The following TNS1 variants were observed in gnomAD, a reference collection of about 807,000 sequenced individuals.
TNS1 encodes tensin 1.
A neutral mutation model predicts 168.6 loss-of-function variants in TNS1; 62 were observed. That is an observed-to-expected ratio of 0.37 (90% CI 0.30 to 0.45). The LOEUF (loss-of-function observed/expected upper bound fraction) is 0.45. Among genes scored for constraint, TNS1 ranks in the 20% least tolerant of loss-of-function variants. TNS1 has a pLI of 1.00. For missense variants in TNS1, 2,240 were observed against 2,339.4 expected (o/e 0.96, Z 0.88); for synonymous variants, 934 against 933.2 (o/e 1.00, Z -0.02).
chr2:217,967,706 G>A (rs1325547167), intron 3 of TNS1, among the ~76,000 whole-genome samples: 2 of 152,086 alleles, frequency 1.3e-5, no homozygotes, highest in African/African-American at 4.8e-5. Context: ...AGGTCCCGAT[G>A]GCTTCACAGG....
At chr2:217,829,851 C>T in intron 22 of TNS1, 1 of 1,614,182 alleles carries the variant, frequency 6.2e-7, no homozygotes, top group Non-Finnish European at 8.5e-7. Flanking sequence ...TACCTTCTGA[C>T]AGCCTGACCA....
chr2:218,029,122 A>T (rs1157003809), intron 1 of TNS1, among the ~76,000 whole-genome samples: 1 of 152,194 alleles, frequency 6.6e-6, no homozygotes, highest in Non-Finnish European at 1.5e-5. Flanking sequence ...GCCCCCAGAG[A>T]GTGAGTAAGA....
At chr2:218,031,234 G>A in intron 1 of TNS1, among the ~76,000 whole-genome samples, 1 of 144,564 alleles carries the variant, frequency 6.9e-6, no homozygotes, top group Admixed American at 6.9e-5. Context: ...GTGTGAGTGT[G>A]TGAGCATGTC....
rs1402852469 is a variant in TNS1 at position 217,828,316 on chromosome 2, C to T, written c.3373+3139G>A. ...GAGGGCAAAGTCTTCTGGGAAACTCCAATCATCCTACCTGGGTGACAGCAG... is the reference window on the plus strand; with the variant it reads ...GAGGGCAAAGTCTTCTGGGAAACTCTAATCATCCTACCTGGGTGACAGCAG... On this transcript the variant is annotated intron_variant, in intron 22 of 32. Coordinates refer to ENST00000682258, the MANE Select transcript of TNS1 (RefSeq NM_001387777.1). Among the ~76,000 whole-genome samples, 4 of 152,214 alleles carry T rather than the reference C, an allele frequency of 2.6e-5. No individual in the cohort carries two copies. In the East Asian group the frequency reaches 7.7e-4, roughly 29 times the overall value.
At chr2:217,833,188 C>T (rs906238996) in intron 21 of TNS1, among the ~76,000 whole-genome samples, 9 of 152,168 alleles carry the variant, frequency 5.9e-5, no homozygotes, top group South Asian at 2.1e-4. Flanking sequence ...GCAGCGGAGG[C>T]GCAGGTGGGC....
In TNS1 at chr2:217,832,351, A is replaced by C. The variant is rs576424840; in HGVS notation, c.3281-804T>G. 1.5e-3 allele frequency among the ~76,000 whole-genome samples: 221 copies of C among 152,316 alleles called. 1 individual carries two copies. Among genetic ancestry groups the C allele is most frequent in the African/African-American group, 4.8e-3 (198 of 41,544 alleles). ...GCTGCTGGCTTTTTCCCATTAGCCA[A>C]GAACCTGGCCAGATTCAGAGCTGAT... On this transcript the variant is annotated intron_variant, in intron 21 of 32. Transcript: ENST00000682258.
chr2:217,846,911 C>T (rs1038365136), intron 19 of TNS1, among the ~76,000 whole-genome samples: 2 of 152,242 alleles, frequency 1.3e-5, no homozygotes, highest in African/African-American at 4.8e-5. Context: ...TTGGCCTCCC[C>T]GCCCCAGCAG....
chr2:217,896,728 T>C (rs1485929513), intron 8 of TNS1, among the ~76,000 whole-genome samples: 9 of 152,312 alleles, frequency 5.9e-5, no homozygotes, highest in East Asian at 5.8e-4. Context: ...CCGCCATGGA[T>C]AGTGGATACC....
intron 1 of TNS1, among the ~76,000 whole-genome samples, chr2:218,031,839 T>C (rs1316279130): frequency 1.3e-5 from 2 of 152,194 alleles, no homozygotes; most frequent in South Asian, 2.1e-4. Flanking sequence ...ACGTCTAACC[T>C]CAGTAGTTCT....
At chr2:217,959,614 T>C (rs759082196) in intron 3 of TNS1, among the ~76,000 whole-genome samples, 2 of 152,204 alleles carry the variant, frequency 1.3e-5, no homozygotes, top group Non-Finnish European at 2.9e-5. Context: ...AATCTTAGCA[T>C]AAAACCTGGT....
At chr2:217,998,763 G>C (rs1225319949) in intron 1 of TNS1, among the ~76,000 whole-genome samples, 1 of 152,202 alleles carries the variant, frequency 6.6e-6, no homozygotes, top group Non-Finnish European at 1.5e-5. Context: ...GCCTCCCAAA[G>C]TGCTGGGATC....
chr2:217,894,335 C>T (rs1172525822), intron 9 of TNS1, among the ~76,000 whole-genome samples: 37 of 152,188 alleles, frequency 2.4e-4, no homozygotes, highest in Admixed American at 2.4e-3. Flanking sequence ...GCAAAGCCCA[C>T]ACACAGCCCC....
In TNS1 at chr2:217,880,902, C is replaced by T; in HGVS notation, c.1425G>A (p.Met475Ile). Residue 475 changes from methionine (M) to isoleucine (I), a missense_variant, in exon 18 of 33, where the codon ATG becomes ATA. Coordinates refer to ENST00000682258, the MANE Select transcript of TNS1 (RefSeq NM_001387777.1). This position sits in a 1 kb window ranked among gnomAD's most constrained non-coding sequence, Gnocchi z 4.2. The stretch of plus-strand genomic sequence containing the variant: ...GAGCCACTAGGTCCCACCTACCCTC[C>T]ATGCCGTCATCTCGATGCCCACTGA... ...DNFSGHRDDG[M>I]EEVVGHTQGP... The T allele has an allele frequency of 6.2e-7, 1 of 1,613,498 alleles. No individual in the cohort carries two copies. Among genetic ancestry groups the T allele is most frequent in the Non-Finnish European group, 8.5e-7 (1 of 1,179,456 alleles).
chr2:217,893,483 A>C lies in TNS1; in HGVS notation c.673T>G (p.Trp225Gly). 6.2e-7 allele frequency: 1 copy of C among 1,613,066 alleles called. No homozygotes were observed. The highest frequency in any genetic ancestry group is 8.5e-7 in the Non-Finnish European group (1 of 1,179,376). Residue 225 changes from tryptophan to glycine, a missense_variant, in exon 10 of 33, where the codon TGG (tryptophan) becomes GGG (glycine). Transcript: ENST00000682258. ...ICSICKAMDTWLNADPHNVVV... is the reference protein window; with the variant it reads ...ICSICKAMDTGLNADPHNVVV... Reference sequence around the variant, plus strand: ...ACATTGTGAGGGTCTGCATTGAGCCATGTGTCCATGGCCTTACAGATGCTG... The same window carrying C: ...ACATTGTGAGGGTCTGCATTGAGCCCTGTGTCCATGGCCTTACAGATGCTG...
rs887432657 is a variant in TNS1 at position 217,835,890 on chromosome 2, G to C, written c.3204+125C>G. ...ATGTCAGAGAAGAGAGTTTGGGTGAGGACGTAGGGGGAGACAAATCACTGA... is the reference window on the plus strand; with the variant it reads ...ATGTCAGAGAAGAGAGTTTGGGTGACGACGTAGGGGGAGACAAATCACTGA... On this transcript the variant is annotated intron_variant, in intron 20 of 32. Transcript: ENST00000682258. 6.3e-6 allele frequency: 5 copies of C among 796,790 alleles called. No individual in the cohort carries two copies. The African/African-American group carries it at 8.6e-5, about 14-fold the overall frequency. The allele number at this position is 796,790 out of a possible 1,614,324, so 49.4% of individuals were successfully genotyped here.
Position 217,817,888 on chromosome 2 carries a change from G to A in TNS1, c.4444C>T (p.Arg1482Trp), listed in dbSNP as rs144402716. The A allele has an allele frequency of 7.6e-5, 122 of 1,614,010 alleles. No homozygotes were observed. In the African/African-American group the frequency reaches 1.0e-3, roughly 14 times the overall value. Residue 1482 changes from arginine to tryptophan, a missense_variant, in exon 24 of 33, where the codon CGG (arginine) becomes TGG (tryptophan). Physicochemically the swap from Arg to Trp is moderately radical, Grantham distance 101. This residue lies in a region of TNS1 where 2,131 missense variants were observed against 2,171.2 expected (regional missense o/e 0.98). Transcript: ENST00000682258. ...AAGGCTGGTGTTGGGCTCCCTTGCC[G>A]GAAGGCTGCGGAGTCTGGTGACGGG... ...TSPSPDSAAFRQGSPTPALPE... is the reference protein window; with the variant it reads ...TSPSPDSAAFWQGSPTPALPE...
In TNS1 at chr2:217,836,146, C is replaced by T. The variant is rs754099693; in HGVS notation, c.3073G>A (p.Asp1025Asn). The stretch of plus-strand genomic sequence containing the variant: ...GGAGACTGGTTCTCATACTGTCCAT[C>T]ACTGGCCGCCCGCCTCCGCAGAGGG... ...PAPLRRRAAS[D>N]GQYENQSPEA... Residue 1025 changes from aspartate to asparagine, a missense_variant, in exon 20 of 33, where the codon GAT becomes AAT. Asp to Asn is a conservative substitution (Grantham distance 23). Around this residue, in one of 2 missense-constraint regions of TNS1, gnomAD observed 2,131 missense variants for 2,171.2 expected, o/e 0.98. Transcript: ENST00000682258. 9 of 1,613,902 alleles carry T rather than the reference C, an allele frequency of 5.6e-6. No individual in the cohort carries two copies. The highest frequency in any genetic ancestry group is 8.5e-7 in the Non-Finnish European group (1 of 1,179,960).
chr2:217,816,588 C>T (rs1358689616), intron 24 of TNS1, among the ~76,000 whole-genome samples: 1 of 152,200 alleles, frequency 6.6e-6, no homozygotes, highest in Non-Finnish European at 1.5e-5. Flanking sequence ...CCCACTGCTG[C>T]CGTGGCCTGT....
intron 3 of TNS1, among the ~76,000 whole-genome samples, chr2:217,952,143 G>A (rs1354123228): frequency 6.6e-6 from 1 of 152,222 alleles, no homozygotes; most frequent in Non-Finnish European, 1.5e-5. Context: ...CGGCCGGAGG[G>A]AGAGACATTT....
Sources: gnomAD v4.1 joint callset for allele counts (sites outside exome capture counted in the v4.1 genomes callset) on GRCh38, gnomAD v4.1.1 for gene constraint, gnomAD v4.1.1 regional missense constraint, Gnocchi (gnomAD v3.1) non-coding constraint, MANE v1.5 for transcripts, NCBI Gene and HGNC (gene_info 2026-07-23, HGNC 2026-07-21) for gene names.